SRGAP3: variants seen among roughly 807,000 people sequenced by gnomAD.
SRGAP3 encodes SLIT-ROBO Rho GTPase activating protein 3.
Under a neutral mutation model 121.1 loss-of-function variants are expected in SRGAP3, and 39 were observed. The ratio of observed to expected loss-of-function variants is 0.32; its 90% CI spans 0.25 to 0.42. The LOEUF is 0.42. SRGAP3 is among the 10% of genes least tolerant of loss of function. The probability of loss-of-function intolerance (pLI) is 1.00; values close to 1 mark genes in which losing one functional copy is unlikely to be tolerated. For synonymous variants in SRGAP3, 601 were observed against 570.0 expected, an observed-to-expected ratio of 1.05 and a Z score of -0.77; for missense variants, 1,213 against 1,470.6, an observed-to-expected ratio of 0.82 and a Z score of 2.86.
intron 3 of SRGAP3, among the ~76,000 whole-genome samples, chr3:9,102,939 G>T (rs558207345): frequency 6.6e-6 from 1 of 152,194 alleles, no homozygotes; most frequent in Non-Finnish European, 1.5e-5. Context: ...GCAGGCGGGG[G>T]CTGGGAATGG....
intron 11 of SRGAP3, chr3:9,036,157 C>T (rs967409317): frequency 2.6e-4 from 39 of 152,166 alleles, no homozygotes; most frequent in African/African-American, 8.9e-4. Flanking sequence ...AAAAATATAA[C>T]ATGCTGCAGC....
At chr3:9,173,358 G>A (rs1951057655) in intron 1 of SRGAP3, among the ~76,000 whole-genome samples, 2 of 152,204 alleles carry the variant, frequency 1.3e-5, no homozygotes, top group Admixed American at 6.5e-5. Context: ...GCCAGTGAAA[G>A]CACTACCCTC....
At chr3:9,310,915 AT>A (rs1250922551) in intron 3 of SRGAP3, among the ~76,000 whole-genome samples, 2 of 152,174 alleles carry the variant, frequency 1.3e-5, no homozygotes, top group Non-Finnish European at 2.9e-5. Flanking sequence ...CACACCTGTA[AT>A]CCCAGCACTT....
intron 3 of SRGAP3, among the ~76,000 whole-genome samples, chr3:9,282,317 A>G (rs879846213): frequency 6.6e-6 from 1 of 152,212 alleles, no homozygotes; most frequent in African/African-American, 2.4e-5. Context: ...TGAACATTAC[A>G]TATTTTATAA....
intron 8 of SRGAP3, among the ~76,000 whole-genome samples, chr3:9,053,926 A>G (rs865838002): frequency 2.2e-4 from 34 of 152,192 alleles, no homozygotes; most frequent in African/African-American, 7.7e-4. Flanking sequence ...TTCCAAAAAC[A>G]GTCCCTGGAA....
chr3:9,036,768 T>A (rs1461302350), intron 11 of SRGAP3: 1 of 152,176 alleles, frequency 6.6e-6, no homozygotes, highest in Non-Finnish European at 1.5e-5. Flanking sequence ...ATTTGCAGAA[T>A]TTGGTGTAAA....
intron 1 of SRGAP3, among the ~76,000 whole-genome samples, chr3:9,335,331 A>T (rs987129962): frequency 6.6e-6 from 1 of 152,210 alleles, no homozygotes; most frequent in African/African-American, 2.4e-5. Flanking sequence ...CGTGTGAGTG[A>T]ATTTATATGT....
Position 9,108,862 on chromosome 3 carries a change from G to A in SRGAP3, c.261-4020C>T, listed in dbSNP as rs1373093479. Among the ~76,000 whole-genome samples the A allele has an allele frequency of 5.3e-5, 8 of 152,130 alleles. No homozygotes were observed. The East Asian group carries it at 5.8e-4, about 11-fold the overall frequency. ...GCCTGGGTGTGGTCTTGTAGCCAGC[G>A]AAGGATGGACTTGAGAGATTTCTCA... On this transcript the variant is annotated intron_variant, in intron 2 of 21. Transcript: ENST00000383836.
intron 10 of SRGAP3, among the ~76,000 whole-genome samples, chr3:9,039,409 T>C (rs191346781): frequency 8.8e-4 from 134 of 152,336 alleles, no homozygotes; most frequent in African/African-American, 3.1e-3. Flanking sequence ...GACTCCCTAC[T>C]CTATGTCCAG....
intron 18 of SRGAP3, among the ~76,000 whole-genome samples, chr3:9,001,241 A>G (rs998584439): frequency 1.3e-5 from 2 of 152,214 alleles, no homozygotes; most frequent in Non-Finnish European, 2.9e-5. Context: ...GAGATGTTGA[A>G]TGTTCACACC....
upstream of SRGAP3, among the ~76,000 whole-genome samples, chr3:9,252,114 T>A (rs1250282174): frequency 6.6e-6 from 1 of 152,110 alleles, no homozygotes; most frequent in East Asian, 1.9e-4. Context: ...CCCACGGTAA[T>A]GGGTTCACAA....
intron 3 of SRGAP3, among the ~76,000 whole-genome samples, chr3:9,268,187 T>C (rs1954401376): frequency 6.6e-6 from 1 of 152,146 alleles, no homozygotes; most frequent in Non-Finnish European, 1.5e-5. Context: ...CCCAATGTGA[T>C]GGTATTTGGA....
chr3:9,088,888 G>A lies in SRGAP3; in HGVS notation c.424-8801C>T, dbSNP rs146749537. On this transcript the variant is annotated intron_variant, in intron 3 of 21. Coordinates refer to ENST00000383836, the MANE Select transcript of SRGAP3 (RefSeq NM_014850.4). ...TCGGTACGGGCTTGTGCTACTGCTG[G>A]TCCAGGTGACCACAGTGCCCAGCTT... is the stretch of plus-strand genomic sequence containing the variant. Among the ~76,000 whole-genome samples the A allele has an allele frequency of 4.5e-4, 68 of 152,168 alleles. 1 individual carries two copies. The highest frequency in any genetic ancestry group is 1.6e-3 in the African/African-American group (66 of 41,544).
At chr3:9,202,429 C>T (rs1277695682) in intron 1 of SRGAP3, among the ~76,000 whole-genome samples, 1 of 152,246 alleles carries the variant, frequency 6.6e-6, no homozygotes, top group African/African-American at 2.4e-5. Context: ...TCGTCACCCT[C>T]TAAGCCCCAA....
At position 8,990,722 on chromosome 3, in the gene SRGAP3, G is replaced by A. The variant is rs1265688798; in HGVS notation, c.2676C>T (p.Cys892=). 6.2e-7 allele frequency: 1 copy of A among 1,611,960 alleles called. No homozygotes were observed. The highest frequency in any genetic ancestry group is 8.5e-7 in the Non-Finnish European group (1 of 1,179,364). Residue 892 remains cysteine (C), a synonymous_variant, in exon 21 of 22, where the codon TGC becomes TGT. Transcript: ENST00000383836. ...SIDTPPRAAA[C]PSSPHKIPLT... is the part of the protein sequence containing the mutation. ...GGGGGATTTTGTGGGGGCTGCTGGG[G>A]CAGGCAGCAGCCCGGGGTGGTGTGT...
At position 9,209,314 on chromosome 3, in the gene SRGAP3, A is replaced by G. The variant is rs148112873; in HGVS notation, c.67+39571T>C. ...TAAAAAAATTCACAGTACATCTTAT[A>G]AGCAAAGAGCCAATTTCCTAAAATA... On this transcript the variant is annotated intron_variant, in intron 1 of 21. Coordinates refer to ENST00000383836, the MANE Select transcript of SRGAP3 (RefSeq NM_014850.4). 2.2e-4 allele frequency among the ~76,000 whole-genome samples: 33 copies of G among 152,372 alleles called. No homozygotes were observed. The East Asian group carries it at 6.0e-3, about 28-fold the overall frequency.
chr3:9,362,081 C>A (rs1411801099), intron 1 of SRGAP3, among the ~76,000 whole-genome samples: 1 of 151,984 alleles, frequency 6.6e-6, no homozygotes, highest in African/African-American at 2.4e-5. Context: ...ATTCTTCCAA[C>A]CCTGGAAGTG....
chr3:9,256,390 A>C (rs995361122), intron 3 of SRGAP3, among the ~76,000 whole-genome samples: 1 of 152,218 alleles, frequency 6.6e-6, no homozygotes, highest in African/African-American at 2.4e-5. Flanking sequence ...TGATGACAGG[A>C]AAGGCTTTAA....
chr3:9,108,682 G>A (rs1055626177), intron 2 of SRGAP3, among the ~76,000 whole-genome samples: 2 of 152,172 alleles, frequency 1.3e-5, no homozygotes, highest in African/African-American at 4.8e-5. Flanking sequence ...GCAGAGGTAG[G>A]ATATAACCAA....
Sources: gnomAD v4.1 joint callset for allele counts (sites outside exome capture counted in the v4.1 genomes callset) on GRCh38, gnomAD v4.1.1 for gene constraint, MANE v1.5 for transcripts, NCBI Gene and HGNC (gene_info 2026-07-23, HGNC 2026-07-21) for gene names.